The following ROCK1 variants were observed in gnomAD, a reference collection of about 807,000 sequenced individuals.
The protein encoded by ROCK1 is Rho associated coiled-coil containing protein kinase 1.
In ROCK1, 36 loss-of-function variants were observed where a neutral mutation model predicts 196.8. The observed-to-expected ratio is 0.18, with a 90% CI of 0.14 to 0.24. The LOEUF (loss-of-function observed/expected upper bound fraction) is 0.24. Among genes scored for constraint, ROCK1 ranks in the 10% least tolerant of loss-of-function variants. The probability of loss-of-function intolerance (pLI) is 1.00; values close to 1 mark genes in which losing one functional copy is unlikely to be tolerated. For missense variants in ROCK1, 920 were observed against 1,562.0 expected (o/e 0.59, Z 6.93); for synonymous variants, 443 against 515.9 (o/e 0.86, Z 1.91).
chr18:21,093,239 G>A (rs1334493165), intron 1 of ROCK1, among the ~76,000 whole-genome samples: 2 of 152,142 alleles, frequency 1.3e-5, no homozygotes, highest in African/African-American at 4.8e-5. Context: ...GTAATCACAA[G>A]TTCTCTGGTG....
intron 29 of ROCK1, among the ~76,000 whole-genome samples, chr18:20,956,045 G>A (rs28554172): frequency 0.01 from 1,530 of 152,204 alleles, 15 homozygotes; most frequent in African/African-American, 0.034. Context: ...ATCTATACAC[G>A]TGAGAAAGGC....
At chr18:21,037,268 T>C (rs2036065700) in intron 9 of ROCK1, among the ~76,000 whole-genome samples, 1 of 152,184 alleles carries the variant, frequency 6.6e-6, no homozygotes, top group Non-Finnish European at 1.5e-5. Context: ...AATCAAGCTA[T>C]TTTGTATCCT....
chr18:21,110,735 C>CT (rs1413013363), intron 1 of ROCK1, 83 bp downstream of exon 1: 6 of 1,129,220 alleles, frequency 5.3e-6, no homozygotes, highest in Admixed American at 1.8e-5. Context: ...ACACCTGAGA[C>CT]TTTTGCAGCG....
At chr18:20,994,035 A>G (rs1238051746) in intron 16 of ROCK1, among the ~76,000 whole-genome samples, 1 of 152,170 alleles carries the variant, frequency 6.6e-6, no homozygotes, top group Non-Finnish European at 1.5e-5. Context: ...CAGGGTTTCT[A>G]AAGTAGTTAT....
chr18:20,959,093 A>AATATATATAAT (rs2035290868), intron 29 of ROCK1, among the ~76,000 whole-genome samples: 1 of 32,410 alleles, frequency 3.1e-5, no homozygotes, highest in African/African-American at 1.9e-4. Flanking sequence ...TATTTTATAT[A>AATATATATAAT]ATATATATAT....
intron 19 of ROCK1, 97 bp downstream of exon 19, chr18:20,986,853 C>A: frequency 1.9e-6 from 2 of 1,075,086 alleles, no homozygotes; most frequent in African/African-American, 1.6e-5. Flanking sequence ...TCATTCAAAT[C>A]TCCTTCATGG....
At chr18:20,970,683 T>A (rs919526820) in intron 22 of ROCK1, among the ~76,000 whole-genome samples, 170 bp from the exon 23 acceptor site, 4 of 152,230 alleles carry the variant, frequency 2.6e-5, no homozygotes, top group African/African-American at 9.6e-5. Flanking sequence ...GAATTTAACC[T>A]CTCACATGTT....
chr18:20,956,390 C>T (rs1030820072), intron 29 of ROCK1, among the ~76,000 whole-genome samples: 2 of 152,024 alleles, frequency 1.3e-5, no homozygotes, highest in African/African-American at 4.8e-5. Context: ...ATATTAAGTA[C>T]AGACACAACC....
At chr18:21,104,530 G>C (rs1272008921) in intron 1 of ROCK1, among the ~76,000 whole-genome samples, 1 of 152,200 alleles carries the variant, frequency 6.6e-6, no homozygotes, top group Non-Finnish European at 1.5e-5. Context: ...CCAGGAGGTG[G>C]AGCTTGCAGT....
intron 2 of ROCK1, among the ~76,000 whole-genome samples, chr18:21,062,959 A>G (rs1384705287): frequency 2.6e-5 from 4 of 152,166 alleles, no homozygotes; most frequent in Non-Finnish European, 5.9e-5. Context: ...AAATCTAGTG[A>G]CAGGAGAAGG....
At chr18:21,002,399 A>T (rs759959761) in intron 16 of ROCK1, among the ~76,000 whole-genome samples, 9 of 152,216 alleles carry the variant, frequency 5.9e-5, no homozygotes, top group Non-Finnish European at 1.3e-4. Flanking sequence ...GCTAACATAT[A>T]TTAAATATAT....
chr18:21,042,043 C>G, intron 8 of ROCK1, 54 bp downstream of exon 8: 2 of 1,508,652 alleles, frequency 1.3e-6, no homozygotes, highest in Non-Finnish European at 1.8e-6. Context: ...AAAAATGGAG[C>G]AGAAGATGAG....
intron 16 of ROCK1, among the ~76,000 whole-genome samples, chr18:21,001,346 AGAG>A (rs2035722362): frequency 6.6e-6 from 1 of 152,348 alleles, no homozygotes; most frequent in Middle Eastern, 3.4e-3. Context: ...GGAACCACAT[AGAG>A]GAGGTATTTG....
chr18:21,067,016 A>C (rs536002829), intron 2 of ROCK1, among the ~76,000 whole-genome samples: 71 of 152,328 alleles, frequency 4.7e-4, no homozygotes, highest in African/African-American at 1.5e-3. Flanking sequence ...CTGTTTTCCA[A>C]AGTGCCTTAC....
At chr18:21,076,961 C>CTTTTT (rs71178160) in intron 1 of ROCK1, among the ~76,000 whole-genome samples, 3 of 65,962 alleles carry the variant, frequency 4.5e-5, no homozygotes, top group African/African-American at 6.2e-5. Flanking sequence ...AAAGGACAGT[C>CTTTTT]TTTTTTTTTT....
intron 17 of ROCK1, 110 bp from the exon 18 acceptor site, chr18:20,991,436 A>G: frequency 2.9e-6 from 2 of 697,558 alleles, no homozygotes; most frequent in Non-Finnish European, 4.6e-6. Flanking sequence ...TTTAAAAATC[A>G]CAATAAACAC....
intron 23 of ROCK1, 72 bp from the exon 24 acceptor site, chr18:20,969,280 A>AGG: frequency 2.4e-6 from 2 of 847,974 alleles, no homozygotes; most frequent in Non-Finnish European, 3.9e-6. Context: ...TAACCTTTAA[A>AGG]TATACTGCTA....
At chr18:21,077,115 A>G (rs2036439548) in intron 1 of ROCK1, among the ~76,000 whole-genome samples, 1 of 151,418 alleles carries the variant, frequency 6.6e-6, no homozygotes, top group South Asian at 2.1e-4. Context: ...CTGGGACTAC[A>G]GGCGCCCACC....
intron 29 of ROCK1, among the ~76,000 whole-genome samples, chr18:20,958,411 T>C: frequency 6.6e-6 from 1 of 152,134 alleles, no homozygotes; most frequent in Non-Finnish European, 1.5e-5. Flanking sequence ...GTTTTGCCTT[T>C]TCTCCTGCTA....
Sources: gnomAD v4.1 joint callset for allele counts (sites outside exome capture counted in the v4.1 genomes callset) on GRCh38, gnomAD v4.1.1 for gene constraint, MANE v1.5 for transcripts, NCBI Gene and HGNC (gene_info 2026-07-23, HGNC 2026-07-21) for gene names.